Variants in NUFIP1 observed in about 807,000 individuals in gnomAD.
NUFIP1 encodes nuclear FMR1 interacting protein 1, also known as FMR1-interacting protein NUFIP1.
Under a neutral mutation model 56.2 loss-of-function variants are expected in NUFIP1, and 38 were observed. That is an observed-to-expected ratio of 0.68 (90% CI 0.52 to 0.89). NUFIP1 has a LOEUF of 0.89. Ranked by LOEUF, NUFIP1 falls within the 40% of genes least tolerant of loss-of-function variation. The probability of loss-of-function intolerance (pLI) is 0.00; values close to 1 mark genes in which losing one functional copy is unlikely to be tolerated. For synonymous variants in NUFIP1, 215 were observed against 212.4 expected, an observed-to-expected ratio of 1.01 and a Z score of -0.10; for missense variants, 567 against 605.8, an observed-to-expected ratio of 0.94 and a Z score of 0.67.
At chr13:44,962,186 GT>G (rs1364365539) in intron 6 of NUFIP1, among the ~76,000 whole-genome samples, 1 of 152,164 alleles carries the variant, frequency 6.6e-6, no homozygotes, top group Non-Finnish European at 1.5e-5. Flanking sequence ...CTAAGCACTA[GT>G]TAAAAGGCAA....
intron 5 of NUFIP1, among the ~76,000 whole-genome samples, chr13:44,975,338 C>T (rs575350905): frequency 7.6e-4 from 116 of 152,290 alleles, no homozygotes; most frequent in Middle Eastern, 3.4e-3. Flanking sequence ...TCTCCTCAGA[C>T]TCAACAATGT....
intron 5 of NUFIP1, among the ~76,000 whole-genome samples, chr13:44,966,181 A>C (rs190513236): frequency 3.3e-5 from 5 of 152,346 alleles, no homozygotes; most frequent in African/African-American, 1.2e-4. Context: ...GTACACTGGA[A>C]TTTAAATCAA....
rs946085176 is a variant in NUFIP1, at chr13:44,965,945, T to A, written c.735-9A>T. On this transcript the variant is annotated splice_polypyrimidine_tract_variant and intron_variant, in intron 5 of 9. Transcript: ENST00000379161. ...CCAGAGTTGGATAGTTTCTAGAAAA[T>A]AATAAAAGTTAATTATAATAGGGCT... 6.9e-7 allele frequency: 1 copy of A among 1,457,692 alleles called. No homozygotes were observed. The highest frequency in any genetic ancestry group is 2.1e-5 in the Admixed American group (1 of 47,150). 90.3% of individuals were successfully genotyped at this position (1,457,692 alleles called of 1,614,324 possible). A position where few individuals can be genotyped will look rare whatever the true frequency, so the allele number is the denominator to read the frequency against.
At chr13:44,973,367 A>G (rs1389805040) in intron 5 of NUFIP1, among the ~76,000 whole-genome samples, 3 of 152,204 alleles carry the variant, frequency 2.0e-5, no homozygotes, top group South Asian at 2.1e-4. Context: ...ATTTCTGCCC[A>G]ATTTCTCTAA....
chr13:44,982,939 T>C (rs528080006), intron 1 of NUFIP1, among the ~76,000 whole-genome samples: 31 of 152,240 alleles, frequency 2.0e-4, no homozygotes, highest in African/African-American at 6.3e-4. Flanking sequence ...GTTCAGGAGT[T>C]TGAGGCTGCA....
intron 5 of NUFIP1, among the ~76,000 whole-genome samples, chr13:44,977,664 G>A (rs571277860): frequency 7.2e-5 from 11 of 152,326 alleles, no homozygotes; most frequent in Non-Finnish European, 1.6e-4. Flanking sequence ...AGGTGGCCTA[G>A]ATTCCTTCAT....
chr13:44,976,338 GAGA>G (rs906897602), intron 5 of NUFIP1, among the ~76,000 whole-genome samples: 41 of 151,620 alleles, frequency 2.7e-4, no homozygotes, highest in African/African-American at 7.8e-4. Flanking sequence ...AAGGAGGAAG[GAGA>G]AGAAGAAAGG....
chr13:44,949,199 A>ATTTTTTTTT (rs11421255), intron 8 of NUFIP1, among the ~76,000 whole-genome samples: 35 of 112,624 alleles, frequency 3.1e-4, no homozygotes, highest in East Asian at 1.1e-3. Flanking sequence ...ATTATATTGT[A>ATTTTTTTTT]TTTTTTTTTT....
At position 44,980,810 on chromosome 13, in the gene NUFIP1, T is replaced by C; in HGVS notation, c.506A>G (p.Glu169Gly). The change falls in exon 3 of 10, where the codon GAA becomes GGA. Residue 169 changes from glutamate (E) to glycine (G), a missense_variant. Transcript: ENST00000379161. ...SRKQKKKKRK[E>G]PVFHFFCDTC... is the part of the protein sequence containing the mutation. ...ATCACAAAAAAAGTGAAAAACTGGT[T>C]CCTTTCTTTTCTGCAAACAAAAACA... The C allele has an allele frequency of 6.3e-7, 1 of 1,592,718 alleles. No homozygotes were observed.
rs1191786754 is a variant in NUFIP1 at position 44,989,269 on chromosome 13, T to C, written c.168A>G (p.Ala56=). 4 of 1,613,470 alleles carry C rather than the reference T, an allele frequency of 2.5e-6. No homozygotes were observed. The highest frequency in any genetic ancestry group is 3.4e-6 in the Non-Finnish European group (4 of 1,179,836). Residue 56 remains alanine (A), a synonymous_variant, in exon 1 of 10, where the codon GCA becomes GCG. Coordinates refer to ENST00000379161, the MANE Select transcript of NUFIP1 (RefSeq NM_012345.3). ...ACTCAGAGGAAGGCTTTGACCCGGC[T>C]GCGGGAAGCGAGGACGTAAGTGGTG... ...PPPPLTSSLP[A]AGSKPSSESQ... is the part of the protein sequence containing the mutation.
chr13:44,970,456 A>G (rs113281493), intron 5 of NUFIP1, among the ~76,000 whole-genome samples: 128 of 152,324 alleles, frequency 8.4e-4, no homozygotes, highest in Non-Finnish European at 1.4e-3. Context: ...TTCCTAACAG[A>G]GCAACTACAT....
At position 44,959,572 on chromosome 13, in the gene NUFIP1, T is replaced by C; in HGVS notation, c.830A>G (p.Lys277Arg). The change falls in exon 7 of 10, where the codon AAG becomes AGG. Residue 277 changes from lysine to arginine, a missense_variant and splice_region_variant. Physicochemically the swap from Lys to Arg is conservative, Grantham distance 26. Coordinates refer to ENST00000379161, the MANE Select transcript of NUFIP1 (RefSeq NM_012345.3). ...GAVLTTTQYG[K>R]MKGMSRHSQM... ...TGAATGTCTGGACATCCCCTTCATC[T>C]TGCTGGAGTAAGAAAATTGCAATTT... is the stretch of plus-strand genomic sequence containing the variant. 1 of 1,593,520 alleles carries C rather than the reference T, an allele frequency of 6.3e-7. No individual in the cohort carries two copies. The highest frequency in any genetic ancestry group is 1.2e-5 in the South Asian group (1 of 86,732).
rs1365627787 is a variant in NUFIP1, at chr13:44,989,251, G to A, written c.186C>T (p.Ser62=). The change falls in exon 1 of 10, where the codon TCC becomes TCT. Residue 62 remains serine, a synonymous_variant. Transcript: ENST00000379161. ...SSLPAAGSKP[S]SESQPPMEAQ... ...CCTCCATGGGGGGCTGCGACTCAGA[G>A]GAAGGCTTTGACCCGGCTGCGGGAA... The A allele has an allele frequency of 1.9e-6, 3 of 1,613,200 alleles. No individual in the cohort carries two copies. Among genetic ancestry groups the A allele is most frequent in the East Asian group, 2.2e-5 (1 of 44,880 alleles).
At chr13:44,979,060 G>T in intron 5 of NUFIP1, 130 bp downstream of exon 5, 1 of 662,324 alleles carries the variant, frequency 1.5e-6, no homozygotes, top group Non-Finnish European at 2.5e-6. Flanking sequence ...TTCAATAATA[G>T]TCTTACATAA....
At chr13:44,983,200 A>C (rs1181558235) in intron 1 of NUFIP1, among the ~76,000 whole-genome samples, 4 of 151,832 alleles carry the variant, frequency 2.6e-5, no homozygotes. Context: ...GGGGAGATGC[A>C]GTTTCGCTCT....
At chr13:44,971,848 C>T (rs1235310907) in intron 5 of NUFIP1, among the ~76,000 whole-genome samples, 3 of 152,154 alleles carry the variant, frequency 2.0e-5, no homozygotes, top group Non-Finnish European at 2.9e-5. Context: ...CCGCCTACTC[C>T]GGTGCAACAA....
At chr13:44,957,441 A>G (rs998379609) in intron 7 of NUFIP1, among the ~76,000 whole-genome samples, 2 of 152,146 alleles carry the variant, frequency 1.3e-5, no homozygotes, top group African/African-American at 4.8e-5. Flanking sequence ...TGAACTCCTG[A>G]CTTCAGTTGA....
At chr13:44,987,732 T>C (rs901647284) in intron 1 of NUFIP1, among the ~76,000 whole-genome samples, 2 of 152,204 alleles carry the variant, frequency 1.3e-5, no homozygotes, top group East Asian at 3.8e-4. Flanking sequence ...ATCTCTTGTT[T>C]AGAAAAGTAA....
chr13:44,964,465 C>G (rs1871528165), intron 6 of NUFIP1, among the ~76,000 whole-genome samples: 1 of 152,100 alleles, frequency 6.6e-6, no homozygotes, highest in South Asian at 2.1e-4. Flanking sequence ...CTGCAACTGC[C>G]CTTGCTTACA....
Sources: allele counts gnomAD v4.1 joint callset (sites outside exome capture counted in the v4.1 genomes callset), GRCh38; gene constraint gnomAD v4.1.1; transcripts MANE v1.5; gene names NCBI Gene and HGNC (gene_info 2026-07-23, HGNC 2026-07-21).